Variants in SLC6A11 observed in about 807,000 individuals in gnomAD.
SLC6A11 encodes solute carrier family 6 member 11, also known as sodium- and chloride-dependent GABA transporter 3.
A neutral mutation model predicts 74.8 loss-of-function variants in SLC6A11; 25 were observed. That is an observed-to-expected ratio of 0.33 (90% CI 0.24 to 0.47). The LOEUF (loss-of-function observed/expected upper bound fraction) is 0.47. SLC6A11 is among the 20% of genes least tolerant of loss of function. The pLI, the probability that SLC6A11 is intolerant of heterozygous loss-of-function variation, is 1.00. For synonymous variants in SLC6A11, 330 were observed against 330.2 expected, an observed-to-expected ratio of 1.00 and a Z score of 0.01; for missense variants, 574 against 837.0, an observed-to-expected ratio of 0.69 and a Z score of 3.88.
intron 5 of SLC6A11, among the ~76,000 whole-genome samples, chr3:10,847,805 G>A (rs1694523211): frequency 6.6e-6 from 1 of 152,182 alleles, no homozygotes; most frequent in African/African-American, 2.4e-5. Flanking sequence ...GACGAGCCCA[G>A]CATCCAAAGG....
intron 5 of SLC6A11, among the ~76,000 whole-genome samples, chr3:10,844,571 G>T (rs1200649865): frequency 6.6e-6 from 1 of 152,190 alleles, no homozygotes; most frequent in Non-Finnish European, 1.5e-5. Context: ...GTGACTATGA[G>T]ATAATAAAGC....
At chr3:10,857,087 C>T (rs1351584452) in intron 5 of SLC6A11, among the ~76,000 whole-genome samples, 2 of 152,160 alleles carry the variant, frequency 1.3e-5, no homozygotes, top group Non-Finnish European at 2.9e-5. Flanking sequence ...GATTCATTCA[C>T]CTGAAGATAA....
intron 10 of SLC6A11, among the ~76,000 whole-genome samples, chr3:10,932,463 T>C (rs948074117): frequency 2.0e-5 from 3 of 152,186 alleles, no homozygotes; most frequent in Non-Finnish European, 4.4e-5. Context: ...CTTTTTTTAA[T>C]TGTGAGCCCA....
Position 10,816,528 on chromosome 3 carries a change from T to C in SLC6A11, c.256+7T>C, listed in dbSNP as rs768259460. 25 of 1,591,698 alleles carry C rather than the reference T, an allele frequency of 1.6e-5. No individual in the cohort carries two copies. The South Asian group carries it at 2.0e-4, about 13-fold the overall frequency. The stretch of plus-strand genomic sequence containing the variant: ...TGCTACAAGAACGGAGGAGGTGAGG[T>C]GATAGTGAGGAGAAGGGGAGGGGGC... On this transcript the variant is annotated splice_region_variant and intron_variant, in intron 1 of 13. Coordinates refer to ENST00000254488, the MANE Select transcript of SLC6A11 (RefSeq NM_014229.3). This position sits in a 1 kb window ranked among gnomAD's most constrained non-coding sequence, Gnocchi z 4.2.
At chr3:10,910,390 T>C (rs1040382396) in intron 6 of SLC6A11, among the ~76,000 whole-genome samples, 16 of 152,134 alleles carry the variant, frequency 1.1e-4, no homozygotes, top group Admixed American at 6.5e-5. Flanking sequence ...ATCTTTAAAA[T>C]GCTACCACAT....
chr3:10,879,734 A>G (rs150140975), intron 6 of SLC6A11, among the ~76,000 whole-genome samples: 94 of 152,340 alleles, frequency 6.2e-4, no homozygotes, highest in Non-Finnish European at 1.1e-3. Context: ...GAGACTATAT[A>G]TATGATATGT....
intron 8 of SLC6A11, among the ~76,000 whole-genome samples, chr3:10,919,185 A>G (rs955916189): frequency 3.3e-5 from 5 of 152,294 alleles, no homozygotes; most frequent in African/African-American, 9.6e-5. Context: ...ACCCACCAAG[A>G]GCAGGGTTAT....
At chr3:10,819,976 T>C (rs1694117013) in intron 3 of SLC6A11, 124 bp downstream of exon 3, 2 of 1,043,266 alleles carry the variant, frequency 1.9e-6, no homozygotes, top group African/African-American at 1.6e-5. Flanking sequence ...TCTAGGGTAG[T>C]CTTGCTGAAA....
chr3:10,858,747 A>G (rs746774141), intron 5 of SLC6A11, among the ~76,000 whole-genome samples: 3 of 152,186 alleles, frequency 2.0e-5, no homozygotes, highest in Non-Finnish European at 4.4e-5. Context: ...ATACTGAGTT[A>G]TTGTTTTACG....
At chr3:10,906,389 G>A (rs1695303160) in intron 6 of SLC6A11, among the ~76,000 whole-genome samples, 1 of 152,180 alleles carries the variant, frequency 6.6e-6, no homozygotes, top group African/African-American at 2.4e-5. Context: ...AATAGATGGG[G>A]CCAGATGCCA....
rs115402505 is a variant in SLC6A11, at chr3:10,822,390, G to A, written c.533-912G>A. Among the ~76,000 whole-genome samples the A allele has an allele frequency of 2.6e-3, 395 of 152,334 alleles. 2 individuals carry two copies. The highest frequency in any genetic ancestry group is 8.9e-3 in the African/African-American group (369 of 41,578). On this transcript the variant is annotated intron_variant, in intron 3 of 13. Coordinates refer to ENST00000254488, the MANE Select transcript of SLC6A11 (RefSeq NM_014229.3). The stretch of plus-strand genomic sequence containing the variant: ...TAGTGGGCTTTTCTGGGCAATACCC[G>A]TGGCAAAGTAGATGGAGCCCTGGCT...
intron 5 of SLC6A11, among the ~76,000 whole-genome samples, chr3:10,868,384 G>A (rs1015970506): frequency 6.6e-6 from 1 of 152,208 alleles, no homozygotes; most frequent in Non-Finnish European, 1.5e-5. Flanking sequence ...ATAAATGGCC[G>A]TGTCCTGGGC....
Position 10,816,892 on chromosome 3 carries a change from G to A in SLC6A11, c.256+371G>A, listed in dbSNP as rs1292255499. 6.6e-6 allele frequency among the ~76,000 whole-genome samples: 1 copy of A among 152,208 alleles called. No individual in the cohort carries two copies. The highest frequency in any genetic ancestry group is 6.5e-5 in the Admixed American group (1 of 15,278). On this transcript the variant is annotated intron_variant, in intron 1 of 13. Transcript: ENST00000254488. The surrounding 1 kb of genome is among the most constrained non-coding windows in gnomAD (Gnocchi z 4.2). The stretch of plus-strand genomic sequence containing the variant: ...ACTGGGAAAACGGCCTGTGGGGAAG[G>A]GACTCCTGATGATCAAAGTGGTCTC...
At chr3:10,859,883 G>A (rs1415237760) in intron 5 of SLC6A11, among the ~76,000 whole-genome samples, 1 of 152,166 alleles carries the variant, frequency 6.6e-6, no homozygotes, top group Non-Finnish European at 1.5e-5. Context: ...ATTCCTGTGT[G>A]ACACGTGGAA....
At chr3:10,883,066 TG>T (rs919200142) in intron 6 of SLC6A11, among the ~76,000 whole-genome samples, 16 of 142,750 alleles carry the variant, frequency 1.1e-4, no homozygotes, top group African/African-American at 3.8e-4. Context: ...GGCGGGGAGG[TG>T]GGGGGGCGCT....
rs79004273 is a variant in SLC6A11 at position 10,924,062 on chromosome 3, G to C, written c.1121-1942G>C. ...AAAAAAAGACTAAGGGACTGCCACA[G>C]ACTGGAGAAGACTAAAGAGATACAA... On this transcript the variant is annotated intron_variant, in intron 8 of 13. Coordinates refer to ENST00000254488, the MANE Select transcript of SLC6A11 (RefSeq NM_014229.3). Among the ~76,000 whole-genome samples the C allele has an allele frequency of 2.0e-4, 31 of 152,274 alleles. 1 individual carries two copies. In the East Asian group the frequency reaches 6.0e-3, roughly 29 times the overall value.
rs1694656758 is a variant in SLC6A11 at position 10,857,830 on chromosome 3, A to C, written c.756+13484A>C. Among the ~76,000 whole-genome samples the C allele has an allele frequency of 2.0e-5, 3 of 152,234 alleles. No homozygotes were observed. The South Asian group carries it at 6.2e-4, about 32-fold the overall frequency. On this transcript the variant is annotated intron_variant, in intron 5 of 13. Coordinates refer to ENST00000254488, the MANE Select transcript of SLC6A11 (RefSeq NM_014229.3). ...CACAGATAAGTTCAAGAAAATTGAT[A>C]TGATGCCCTAGCTATATTATAAAGG... is the stretch of plus-strand genomic sequence containing the variant.
At chr3:10,863,369 C>T (rs893536833) in intron 5 of SLC6A11, among the ~76,000 whole-genome samples, 1 of 152,200 alleles carries the variant, frequency 6.6e-6, no homozygotes, top group Admixed American at 6.5e-5. Context: ...GAACTATGGT[C>T]TATGATTCAC....
At chr3:10,874,678 C>A in intron 5 of SLC6A11, among the ~76,000 whole-genome samples, 1 of 152,104 alleles carries the variant, frequency 6.6e-6, no homozygotes. Context: ...GCCCCATTTC[C>A]CCCCTCCCAG....
Sources: gnomAD v4.1 joint callset for allele counts (sites outside exome capture counted in the v4.1 genomes callset) on GRCh38, gnomAD v4.1.1 for gene constraint, Gnocchi (gnomAD v3.1) non-coding constraint, MANE v1.5 for transcripts, NCBI Gene and HGNC (gene_info 2026-07-23, HGNC 2026-07-21) for gene names.